Variants in NTM observed in about 807,000 individuals in gnomAD.
NTM encodes IgLON family member 2.
NTM carries 13 observed loss-of-function variants against 42.1 expected under a neutral mutation model. The observed-to-expected ratio is 0.31, with a 90% CI of 0.20 to 0.49. The LOEUF is 0.49. Among genes scored for constraint, NTM ranks in the 20% least tolerant of loss-of-function variants. NTM has a pLI of 0.99. For synonymous variants in NTM, 187 were observed against 179.2 expected, an observed-to-expected ratio of 1.04 and a Z score of -0.35; for missense variants, 373 against 452.8, an observed-to-expected ratio of 0.82 and a Z score of 1.60.
At position 132,003,308 on chromosome 11, in the gene NTM, C is replaced by T. The variant is rs1019968144; in HGVS notation, c.167+91660C>T. Reference sequence around the variant, plus strand: ...TTGCCCAGGTTGGAGTGCAGTGACGCAATCACAGCTTACTGCAGCCTCAAC... The same window carrying T: ...TTGCCCAGGTTGGAGTGCAGTGACGTAATCACAGCTTACTGCAGCCTCAAC... On this transcript the variant is annotated intron_variant, in intron 2 of 8. Transcript: ENST00000683400. This position sits in a 1 kb window ranked among gnomAD's most constrained non-coding sequence, Gnocchi z 6.0. Among the ~76,000 whole-genome samples the T allele has an allele frequency of 1.3e-5, 2 of 151,342 alleles. No individual in the cohort carries two copies. Among genetic ancestry groups the T allele is most frequent in the Non-Finnish European group, 2.9e-5 (2 of 67,918 alleles).
intron 1 of NTM, among the ~76,000 whole-genome samples, chr11:131,435,584 C>G (rs1424060716): frequency 6.6e-6 from 1 of 151,926 alleles, no homozygotes; most frequent in African/African-American, 2.4e-5. Context: ...TGATTTGGCT[C>G]TCTGTCTGTT....
At chr11:131,767,270 T>C (rs769574502) in intron 1 of NTM, 6 of 308,622 alleles carry the variant, frequency 1.9e-5, no homozygotes, top group African/African-American at 2.3e-5. Flanking sequence ...AGAATATCCA[T>C]GCTTTGGCCA....
chr11:131,422,060 A>C (rs571975853), intron 1 of NTM, among the ~76,000 whole-genome samples: 1 of 152,140 alleles, frequency 6.6e-6, no homozygotes, highest in Non-Finnish European at 1.5e-5. Context: ...TGAGCCCTGC[A>C]TTTTGTCCAC....
rs558925503 is a variant in NTM, at chr11:132,002,196, G to A, written c.167+90548G>A. 6.6e-6 allele frequency among the ~76,000 whole-genome samples: 1 copy of A among 152,334 alleles called. No homozygotes were observed. Among genetic ancestry groups the A allele is most frequent in the South Asian group, 2.1e-4 (1 of 4,820 alleles). ...TGGACTTTTCTCCATTGGCAACAGA[G>A]AGTCACTGAAGGTTTTGAATAGGGA... is the stretch of plus-strand genomic sequence containing the variant. On this transcript the variant is annotated intron_variant, in intron 2 of 8. Coordinates refer to ENST00000683400, the MANE Select transcript of NTM (RefSeq NM_001352005.2). This position sits in a 1 kb window ranked among gnomAD's most constrained non-coding sequence, Gnocchi z 4.5.
At chr11:131,824,171 G>T (rs143098538) in intron 1 of NTM, among the ~76,000 whole-genome samples, 1 of 152,182 alleles carries the variant, frequency 6.6e-6, no homozygotes, top group East Asian at 1.9e-4. Context: ...AAGAGGAAAA[G>T]TTAGTGGGCA....
chr11:131,393,356 T>C (rs1156803493), intron 1 of NTM, among the ~76,000 whole-genome samples: 2 of 152,184 alleles, frequency 1.3e-5, no homozygotes, highest in Admixed American at 1.3e-4. Context: ...TAGAGAGACT[T>C]GGAATTTACT....
chr11:131,683,209 C>T (rs1289101196), intron 1 of NTM, among the ~76,000 whole-genome samples: 1 of 152,214 alleles, frequency 6.6e-6, no homozygotes, highest in Non-Finnish European at 1.5e-5. Context: ...TAACACCTCC[C>T]TGGCAGAGCA....
intron 1 of NTM, among the ~76,000 whole-genome samples, chr11:131,583,872 C>T (rs894589609): frequency 6.6e-6 from 1 of 152,124 alleles, no homozygotes; most frequent in Admixed American, 6.5e-5. Flanking sequence ...CTGAGAAGTA[C>T]CTTCATGGAT....
At chr11:131,972,280 A>G (rs925559053) in intron 2 of NTM, among the ~76,000 whole-genome samples, 3 of 152,088 alleles carry the variant, frequency 2.0e-5, no homozygotes, top group African/African-American at 7.2e-5. Context: ...GGATTTACTA[A>G]AACTGAATGA....
At chr11:131,838,153 G>T (rs1366429549) in intron 1 of NTM, among the ~76,000 whole-genome samples, 2 of 152,156 alleles carry the variant, frequency 1.3e-5, no homozygotes, top group South Asian at 4.2e-4. Context: ...GTAAAAACCG[G>T]AAGGACGACT....
chr11:131,764,739 C>T (rs1281847153), intron 1 of NTM, among the ~76,000 whole-genome samples: 1 of 152,080 alleles, frequency 6.6e-6, no homozygotes, highest in African/African-American at 2.4e-5. Flanking sequence ...TTGGAGCTAC[C>T]AGTTGATGAG....
chr11:132,161,370 CTTTT>C (rs55732584), intron 3 of NTM, among the ~76,000 whole-genome samples: 17,360 of 64,550 alleles, frequency 0.27, 2,575 homozygotes, highest in Non-Finnish European at 0.35. Context: ...TTTCGAGCAG[CTTTT>C]TTTTTTTTTT....
chr11:132,138,978 A>G (rs2068541754), intron 2 of NTM, among the ~76,000 whole-genome samples: 1 of 152,156 alleles, frequency 6.6e-6, no homozygotes, highest in Non-Finnish European at 1.5e-5. Context: ...AATGAGGTGG[A>G]ACTTTGTAGG....
chr11:131,485,394 T>G (rs898882754), intron 1 of NTM, among the ~76,000 whole-genome samples: 1 of 152,220 alleles, frequency 6.6e-6, no homozygotes, highest in Middle Eastern at 3.2e-3. Flanking sequence ...GCAGGCATTT[T>G]GTATAGATTA....
At chr11:131,594,766 G>T (rs2059672017) in intron 1 of NTM, among the ~76,000 whole-genome samples, 1 of 152,116 alleles carries the variant, frequency 6.6e-6, no homozygotes, top group Admixed American at 6.5e-5. Flanking sequence ...TTGCAGGGAG[G>T]TAGAAGGAAG....
At chr11:131,821,067 G>T (rs920147272) in intron 1 of NTM, among the ~76,000 whole-genome samples, 1 of 151,882 alleles carries the variant, frequency 6.6e-6, no homozygotes, top group Non-Finnish European at 1.5e-5. Flanking sequence ...GAAATGTAGG[G>T]ATTGGTAATC....
chr11:131,469,206 G>T (rs998396550), intron 1 of NTM, among the ~76,000 whole-genome samples: 1 of 152,258 alleles, frequency 6.6e-6, no homozygotes, highest in South Asian at 2.1e-4. Context: ...CTCTGCTAAC[G>T]TGTGTGGGCT....
chr11:132,134,935 C>A (rs1186236320), intron 2 of NTM, among the ~76,000 whole-genome samples: 1 of 151,508 alleles, frequency 6.6e-6, no homozygotes, highest in East Asian at 1.9e-4. Context: ...ACTTTTAGTT[C>A]TTTAAGGAAT....
At chr11:131,931,603 T>C (rs575604796) in intron 2 of NTM, among the ~76,000 whole-genome samples, 32 of 151,642 alleles carry the variant, frequency 2.1e-4, no homozygotes, top group African/African-American at 7.5e-4. Context: ...TAGGTGATGT[T>C]TGGGCTACAG....
Sources: gnomAD v4.1 joint callset for allele counts (sites outside exome capture counted in the v4.1 genomes callset) on GRCh38, gnomAD v4.1.1 for gene constraint, Gnocchi (gnomAD v3.1) non-coding constraint, MANE v1.5 for transcripts, NCBI Gene and HGNC (gene_info 2026-07-23, HGNC 2026-07-21) for gene names.